The following VSNL1 variants were observed in gnomAD, a reference collection of about 807,000 sequenced individuals.
VSNL1 encodes the protein visinin like 1, also known as visinin-like protein 1.
VSNL1 carries 6 observed loss-of-function variants against 20.4 expected under a neutral mutation model. The observed-to-expected ratio is 0.29, with a 90% CI of 0.16 to 0.58. The LOEUF is 0.58. Among genes scored for constraint, VSNL1 ranks in the 20% least tolerant of loss-of-function variants. The pLI is 0.90. For synonymous variants in VSNL1, 93 were observed against 86.4 expected (o/e 1.08, Z -0.42); for missense variants, 100 against 234.5 (o/e 0.43, Z 3.75).
chr2:17,627,017 C>T (rs539721120), intron 2 of VSNL1, among the ~76,000 whole-genome samples: 2 of 152,334 alleles, frequency 1.3e-5, no homozygotes, highest in African/African-American at 4.8e-5. Context: ...TGTCTAAAAT[C>T]TGTTCCTGGA....
At chr2:17,541,924 G>A (rs1663293439) in intron 1 of VSNL1, among the ~76,000 whole-genome samples, 1 of 152,170 alleles carries the variant, frequency 6.6e-6, no homozygotes, top group African/African-American at 2.4e-5. Flanking sequence ...TCAGTGCCCT[G>A]TGAGATGCCA....
At chr2:17,568,460 C>T (rs963666058) in intron 1 of VSNL1, among the ~76,000 whole-genome samples, 3 of 152,032 alleles carry the variant, frequency 2.0e-5, no homozygotes, top group African/African-American at 7.2e-5. Flanking sequence ...TTAGTAGAGA[C>T]GGGGTTTTGC....
intron 2 of VSNL1, among the ~76,000 whole-genome samples, chr2:17,610,840 T>A (rs1008292264): frequency 6.6e-6 from 1 of 152,220 alleles, no homozygotes; most frequent in African/African-American, 2.4e-5. Flanking sequence ...TTCAAGGCCC[T>A]GAACTCTGCA....
intron 2 of VSNL1, among the ~76,000 whole-genome samples, chr2:17,642,596 C>T (rs1305638532): frequency 6.6e-6 from 1 of 152,184 alleles, no homozygotes; most frequent in Non-Finnish European, 1.5e-5. Context: ...GCATGAGCCA[C>T]TGCGCCCAGC....
chr2:17,648,405 T>A (rs1324697315), intron 2 of VSNL1, among the ~76,000 whole-genome samples: 1 of 152,146 alleles, frequency 6.6e-6, no homozygotes, highest in Non-Finnish European at 1.5e-5. Context: ...TGAAGGCTGC[T>A]CACCTGGTCC....
At chr2:17,574,022 T>C (rs947944645) in intron 1 of VSNL1, among the ~76,000 whole-genome samples, 3 of 152,200 alleles carry the variant, frequency 2.0e-5, no homozygotes, top group Admixed American at 6.5e-5. Context: ...CAACCTAACT[T>C]TAGCAGCAAG....
chr2:17,615,486 C>A (rs528464038), intron 2 of VSNL1, among the ~76,000 whole-genome samples: 3 of 152,312 alleles, frequency 2.0e-5, no homozygotes, highest in Non-Finnish European at 2.9e-5. Flanking sequence ...ACAAAAGAAA[C>A]CTCCTCTAAC....
At chr2:17,564,400 A>G (rs905397453) in intron 1 of VSNL1, among the ~76,000 whole-genome samples, 1 of 152,190 alleles carries the variant, frequency 6.6e-6, no homozygotes, top group African/African-American at 2.4e-5. Context: ...CCTTTATTAC[A>G]CCATCTCATT....
intron 2 of VSNL1, among the ~76,000 whole-genome samples, chr2:17,623,465 C>T (rs1370787291): frequency 2.6e-5 from 4 of 151,822 alleles, no homozygotes; most frequent in African/African-American, 7.3e-5. Context: ...GTCAGGAGAT[C>T]GAGACCATCC....
Position 17,592,227 on chromosome 2 carries a change from C to G in VSNL1, c.153C>G (p.Leu51=), listed in dbSNP as rs895285379. 3.1e-6 allele frequency: 5 copies of G among 1,613,474 alleles called. No homozygotes were observed. Among genetic ancestry groups the G allele is most frequent in the South Asian group, 1.1e-5 (1 of 91,050 alleles). The change falls in exon 2 of 4, where the codon CTC becomes CTG. Residue 51 remains leucine, a synonymous_variant. Transcript: ENST00000295156. The stretch of plus-strand genomic sequence containing the variant: ...TAAATCTCGAGGAATTTCAGCAGCT[C>G]TATGTGAAGGTAAGTTGTTTTTCAA... The part of the protein sequence containing the change: ...GRLNLEEFQQ[L]YVKFFPYGDA...
intron 1 of VSNL1, among the ~76,000 whole-genome samples, chr2:17,573,102 C>T (rs1217036346): frequency 6.6e-6 from 1 of 152,184 alleles, no homozygotes; most frequent in Non-Finnish European, 1.5e-5. Context: ...TTTATTAAAT[C>T]TCTTTTGACT....
chr2:17,613,324 A>G (rs1665136124), intron 2 of VSNL1, among the ~76,000 whole-genome samples: 1 of 152,236 alleles, frequency 6.6e-6, no homozygotes, highest in Non-Finnish European at 1.5e-5. Context: ...GTTGAAAGCA[A>G]TTTTTTAAGT....
chr2:17,605,261 A>T lies in VSNL1; in HGVS notation c.162+13025A>T, dbSNP rs151316615. Among the ~76,000 whole-genome samples the T allele has an allele frequency of 8.7e-4, 133 of 152,366 alleles. 1 individual carries two copies. The East Asian group carries it at 0.024, about 27-fold the overall frequency. On this transcript the variant is annotated intron_variant, in intron 2 of 3. Transcript: ENST00000295156. Reference sequence around the variant, plus strand: ...CAGCAAAGATCCTTCTCTGCACAGCATCAAGTTAGGATCTGCTCCAGGGGA... The same window carrying T: ...CAGCAAAGATCCTTCTCTGCACAGCTTCAAGTTAGGATCTGCTCCAGGGGA...
At chr2:17,624,838 C>T (rs886470347) in intron 2 of VSNL1, among the ~76,000 whole-genome samples, 31 of 152,100 alleles carry the variant, frequency 2.0e-4, no homozygotes, top group African/African-American at 7.2e-4. Context: ...CCAAAATGGT[C>T]GAGGTAATGT....
At chr2:17,566,660 A>G (rs991033946) in intron 1 of VSNL1, among the ~76,000 whole-genome samples, 1 of 152,126 alleles carries the variant, frequency 6.6e-6, no homozygotes, top group East Asian at 1.9e-4. Context: ...TCTGTCACTT[A>G]TTTAACTTTG....
intron 2 of VSNL1, among the ~76,000 whole-genome samples, chr2:17,618,087 C>G (rs76449411): frequency 0.054 from 8,162 of 152,198 alleles, 257 homozygotes; most frequent in East Asian, 0.091. Flanking sequence ...CTGGTACCTG[C>G]TAAGCAGAGG....
At chr2:17,550,336 A>G (rs982995686) in intron 1 of VSNL1, among the ~76,000 whole-genome samples, 5 of 152,226 alleles carry the variant, frequency 3.3e-5, no homozygotes, top group African/African-American at 1.2e-4. Context: ...ATTTTGAAGT[A>G]AAATAATCTG....
chr2:17,613,277 G>C (rs1344350883), intron 2 of VSNL1, among the ~76,000 whole-genome samples: 1 of 152,192 alleles, frequency 6.6e-6, no homozygotes, highest in Non-Finnish European at 1.5e-5. Context: ...TTTAGCAAGT[G>C]CATGGAAAAT....
intron 1 of VSNL1, among the ~76,000 whole-genome samples, chr2:17,542,577 A>G (rs1663310450): frequency 6.6e-6 from 1 of 152,236 alleles, no homozygotes; most frequent in East Asian, 1.9e-4. Context: ...AGAACCTCTC[A>G]TTGGAAATCC....
Sources: allele counts gnomAD v4.1 joint callset (sites outside exome capture counted in the v4.1 genomes callset), GRCh38; gene constraint gnomAD v4.1.1; transcripts MANE v1.5; gene names NCBI Gene and HGNC (gene_info 2026-07-23, HGNC 2026-07-21).